SENP5: variants seen among roughly 807,000 people sequenced by gnomAD.
SENP5 encodes SUMO specific peptidase 5.
SENP5 carries 21 observed loss-of-function variants against 74.2 expected under a neutral mutation model. That is an observed-to-expected ratio of 0.28 (90% CI 0.20 to 0.41). The LOEUF (loss-of-function observed/expected upper bound fraction) is 0.41, where lower values mean the gene tolerates loss of function less well. Ranked by LOEUF, SENP5 falls within the 10% of genes least tolerant of loss-of-function variation. The pLI is 1.00. For synonymous variants in SENP5, 311 were observed against 312.7 expected (o/e 0.99, Z 0.06); for missense variants, 717 against 889.1 (o/e 0.81, Z 2.46).
At chr3:196,923,315 C>T in intron 6 of SENP5, 99 bp from the exon 7 acceptor site, 4 of 1,368,266 alleles carry the variant, frequency 2.9e-6, no homozygotes, top group African/African-American at 1.5e-5. Flanking sequence ...ACTTTTTTGC[C>T]CTTGTGCAGG....
At chr3:196,918,102 C>T (rs988818562) in intron 6 of SENP5, among the ~76,000 whole-genome samples, 41 of 148,870 alleles carry the variant, frequency 2.8e-4, no homozygotes, top group Admixed American at 4.7e-4. Context: ...GAGGTCAGAT[C>T]GAGACCATCC....
intron 2 of SENP5, 119 bp downstream of exon 2, chr3:196,886,813 G>GA: frequency 7.3e-6 from 5 of 687,872 alleles, no homozygotes; most frequent in Non-Finnish European, 1.1e-5. Flanking sequence ...AAACCAGTTA[G>GA]TCTGCTTGAA....
chr3:196,889,273 AC>A (rs980568741), intron 2 of SENP5, among the ~76,000 whole-genome samples: 5 of 152,052 alleles, frequency 3.3e-5, no homozygotes, highest in African/African-American at 1.2e-4. Flanking sequence ...AGGTTAGCAG[AC>A]CCATGATACT....
At chr3:196,876,839 C>T (rs1713498336) in intron 1 of SENP5, among the ~76,000 whole-genome samples, 1 of 152,056 alleles carries the variant, frequency 6.6e-6, no homozygotes, top group South Asian at 2.1e-4. Context: ...CACCAGTGCA[C>T]TCCAGCCTGG....
chr3:196,911,994 G>A (rs980505962), intron 6 of SENP5, among the ~76,000 whole-genome samples: 5 of 152,226 alleles, frequency 3.3e-5, no homozygotes, highest in Admixed American at 6.5e-5. Flanking sequence ...ACGTAAGTTA[G>A]TTCAACCATT....
At chr3:196,875,433 G>T (rs1313169187) in intron 1 of SENP5, among the ~76,000 whole-genome samples, 1 of 152,130 alleles carries the variant, frequency 6.6e-6, no homozygotes, top group African/African-American at 2.4e-5. Flanking sequence ...TCAAGAATAT[G>T]AATCAGATCT....
chr3:196,888,812 C>A (rs905491897), intron 2 of SENP5, among the ~76,000 whole-genome samples: 2 of 151,864 alleles, frequency 1.3e-5, no homozygotes, highest in Non-Finnish European at 2.9e-5. Flanking sequence ...TCTTTCCAAC[C>A]ATTAAGTATA....
chr3:196,886,065 A>T lies in SENP5; in HGVS notation c.884A>T (p.Glu295Val). Residue 295 changes from glutamate to valine, a missense_variant, in exon 2 of 10, where the codon GAA (glutamate) becomes GTA (valine). Transcript: ENST00000323460. ...GGSCSPFPSPEPKDPSCRHQP... is the reference protein window; with the variant it reads ...GGSCSPFPSPVPKDPSCRHQP... ...AGTTGCAGCCCATTTCCTTCCCCAG[A>T]ACCTAAAGACCCTTCTTGTCGGCAT... 6.2e-7 allele frequency: 1 copy of T among 1,614,226 alleles called. No homozygotes were observed.
At chr3:196,927,927 T>G in intron 8 of SENP5, 48 bp downstream of exon 8, 1 of 1,242,142 alleles carries the variant, frequency 8.1e-7, no homozygotes, top group Non-Finnish European at 1.2e-6. Flanking sequence ...GGGGATGGAA[T>G]TATCTAAGGG....
In SENP5 at chr3:196,923,525, G is replaced by A; in HGVS notation, c.1996G>A (p.Gly666Ser). The A allele has an allele frequency of 6.2e-7, 1 of 1,608,518 alleles. No individual in the cohort carries two copies. Among genetic ancestry groups the A allele is most frequent in the Non-Finnish European group, 8.5e-7 (1 of 1,176,884 alleles). Residue 666 changes from glycine to serine, a missense_variant, in exon 7 of 10, where the codon GGC (glycine) becomes AGC (serine). This residue lies in a region of SENP5 where 85 missense variants were observed against 188.9 expected (regional missense o/e 0.45). Transcript: ENST00000323460. ...NRIISFYDSQGIHFKFCVENI... is the reference protein window; with the variant it reads ...NRIISFYDSQSIHFKFCVENI... ...AATTATTTCATTTTATGATTCCCAA[G>A]GCATTCATTTTAAGTTTTGTGTAGA...
At chr3:196,899,622 G>A in intron 2 of SENP5, 44 bp from the exon 3 acceptor site, 1 of 1,206,854 alleles carries the variant, frequency 8.3e-7, no homozygotes, top group Non-Finnish European at 1.2e-6. Flanking sequence ...TACTGAAAAT[G>A]GCTTGTTTTT....
In SENP5 at chr3:196,931,766, GT is replaced by G; in HGVS notation, c.*845del. 3.2e-6 allele frequency: 1 copy of G among 313,928 alleles called. No individual in the cohort carries two copies. The highest frequency in any genetic ancestry group is 6.3e-6 in the Non-Finnish European group (1 of 158,548). The allele number at this position is 313,928 out of a possible 1,614,324, so 19.4% of individuals were successfully genotyped here. A position where few individuals can be genotyped will look rare whatever the true frequency, so the allele number is the denominator to read the frequency against. ...TGGTCAAACAAATGAGAATGCAGCT[GT>G]TCTCAGAGTAATTTTTAAGTTGTCA... On this transcript the variant is annotated 3_prime_UTR_variant, in exon 10 of 10. Coordinates refer to ENST00000323460, the MANE Select transcript of SENP5 (RefSeq NM_152699.5).
intron 2 of SENP5, among the ~76,000 whole-genome samples, chr3:196,891,659 TGTG>T (rs755839618): frequency 1.3e-5 from 2 of 152,190 alleles, no homozygotes; most frequent in Non-Finnish European, 2.9e-5. Context: ...ATTATCTGCA[TGTG>T]GTGGTGCATG....
At chr3:196,896,116 GTA>G (rs1265523188) in intron 2 of SENP5, among the ~76,000 whole-genome samples, 2 of 152,086 alleles carry the variant, frequency 1.3e-5, no homozygotes, top group Admixed American at 6.6e-5. Flanking sequence ...AAAATAAATT[GTA>G]TATACCAAGT....
chr3:196,923,436 T>C lies in SENP5; in HGVS notation c.1907T>C (p.Leu636Pro). The change falls in exon 7 of 10, where the codon CTT becomes CCT. Residue 636 changes from leucine to proline, a missense_variant. Around this residue, in one of 4 missense-constraint regions of SENP5, gnomAD observed 85 missense variants for 188.9 expected, o/e 0.45. Transcript: ENST00000323460. ...TKKVDLFKKS[L>P]LLIPIHLEVH... ...CAGGTGGATTTGTTTAAAAAGAGTC[T>C]TCTGTTGATTCCTATTCACCTGGAA... 2 of 1,611,138 alleles carry C rather than the reference T, an allele frequency of 1.2e-6. No homozygotes were observed. Among genetic ancestry groups the C allele is most frequent in the Non-Finnish European group, 1.7e-6 (2 of 1,179,218 alleles).
chr3:196,912,106 T>A (rs1332788236), intron 6 of SENP5, among the ~76,000 whole-genome samples: 1 of 152,058 alleles, frequency 6.6e-6, no homozygotes, highest in African/African-American at 2.4e-5. Context: ...TATAAATCAT[T>A]CTCTATAGAG....
chr3:196,917,929 G>A (rs754637450), intron 6 of SENP5, among the ~76,000 whole-genome samples: 11 of 152,150 alleles, frequency 7.2e-5, no homozygotes, highest in South Asian at 2.1e-4. Flanking sequence ...ACTAATTGCC[G>A]TGTGTAAGCC....
intron 6 of SENP5, among the ~76,000 whole-genome samples, chr3:196,909,340 G>A (rs1715029372): frequency 6.6e-6 from 1 of 152,158 alleles, no homozygotes. Context: ...GGTACAAAGA[G>A]GAGCTGATAC....
intron 6 of SENP5, among the ~76,000 whole-genome samples, chr3:196,918,232 G>A (rs2108857377): frequency 6.6e-6 from 1 of 151,780 alleles, no homozygotes; most frequent in South Asian, 2.1e-4. Context: ...GCGTGAACCT[G>A]GGAGGCGGAG....
Sources: allele counts gnomAD v4.1 joint callset (sites outside exome capture counted in the v4.1 genomes callset), GRCh38; gene constraint gnomAD v4.1.1; regional missense constraint gnomAD v4.1.1; transcripts MANE v1.5; gene names NCBI Gene and HGNC (gene_info 2026-07-23, HGNC 2026-07-21).